Variants in RANBP2 observed in about 807,000 individuals in gnomAD.
The protein encoded by RANBP2 is E3 SUMO-protein ligase RanBP2.
Under a neutral mutation model 303.6 loss-of-function variants are expected in RANBP2, and 57 were observed. The observed-to-expected ratio is 0.19, with a 90% confidence interval of 0.15 to 0.23. The LOEUF (loss-of-function observed/expected upper bound fraction) is 0.23. Among genes scored for constraint, RANBP2 ranks in the 10% least tolerant of loss-of-function variants. The pLI is 1.00. For missense variants in RANBP2, 3,138 were observed against 3,780.8 expected, an observed-to-expected ratio of 0.83 and a Z score of 4.46; for synonymous variants, 1,167 against 1,301.5, an observed-to-expected ratio of 0.90 and a Z score of 2.23.
the RANBP2 span, among the ~76,000 whole-genome samples, chr2:109,480,569 A>G: frequency 6.6e-6 from 1 of 152,186 alleles, no homozygotes; most frequent in African/African-American, 2.4e-5. Flanking sequence ...TCACTCAGGA[A>G]GTCTCGCAGG....
chr2:108,831,178 C>CA, the RANBP2 span, among the ~76,000 whole-genome samples: 13 of 149,408 alleles, frequency 8.7e-5, no homozygotes, highest in Non-Finnish European at 1.3e-4. Flanking sequence ...GACTCTGTCT[C>CA]AAAAAAAAAG....
At chr2:109,383,633 C>T in the RANBP2 span, among the ~76,000 whole-genome samples, 6 of 152,158 alleles carry the variant, frequency 3.9e-5, no homozygotes, top group Non-Finnish European at 8.8e-5. Flanking sequence ...TCTGTAACCA[C>T]CTGAATTCCA....
At chr2:109,433,930 G>A in the RANBP2 span, among the ~76,000 whole-genome samples, 11 of 152,230 alleles carry the variant, frequency 7.2e-5, no homozygotes, top group African/African-American at 2.4e-4. Context: ...CTACTTAGAG[G>A]GTGAGCTGCC....
At chr2:109,152,500 G>C in the RANBP2 span, among the ~76,000 whole-genome samples, 51 of 152,368 alleles carry the variant, frequency 3.3e-4, no homozygotes, top group African/African-American at 1.2e-3. Context: ...ACAGCATTCA[G>C]AGCGAAAGCT....
chr2:108,981,134 G>A, the RANBP2 span, among the ~76,000 whole-genome samples: 9 of 152,174 alleles, frequency 5.9e-5, no homozygotes, highest in Non-Finnish European at 1.5e-5. Context: ...TTCCCATGAG[G>A]CAAGTATGTG....
chr2:108,935,934 C>T, the RANBP2 span, among the ~76,000 whole-genome samples: 2 of 152,200 alleles, frequency 1.3e-5, no homozygotes, highest in Non-Finnish European at 2.9e-5. Flanking sequence ...TGGCCTTCAC[C>T]CTTGGTGGTG....
At chr2:109,138,901 C>A in the RANBP2 span, among the ~76,000 whole-genome samples, 2 of 152,176 alleles carry the variant, frequency 1.3e-5, no homozygotes, top group African/African-American at 4.8e-5. Context: ...CAGAAGTGAT[C>A]CAGGCCTTTC....
At chr2:108,730,931 G>A (rs1396334714) in intron 3 of RANBP2, 46 bp downstream of exon 3, 1 of 1,600,616 alleles carries the variant, frequency 6.2e-7, no homozygotes, top group Non-Finnish European at 8.5e-7. Flanking sequence ...CCAAACACAT[G>A]ATGCCCAGAG....
At chr2:109,503,510 C>T in the RANBP2 span, 1 of 152,174 alleles carries the variant, frequency 6.6e-6, no homozygotes, top group Non-Finnish European at 1.5e-5. Flanking sequence ...AAGAAAAAGT[C>T]TGGCTTAAAC....
At chr2:109,654,424 C>T in the RANBP2 span, among the ~76,000 whole-genome samples, 1 of 151,740 alleles carries the variant, frequency 6.6e-6, no homozygotes, top group South Asian at 2.1e-4. Context: ...AGTTTAAGGC[C>T]CTGAGCTTAG....
At chr2:108,969,561 TG>T in the RANBP2 span, among the ~76,000 whole-genome samples, 1 of 152,312 alleles carries the variant, frequency 6.6e-6, no homozygotes, top group South Asian at 2.1e-4. Flanking sequence ...GGCTGTAAAA[TG>T]GGGGTCATTC....
At chr2:109,485,194 C>T in the RANBP2 span, among the ~76,000 whole-genome samples, 138 of 152,244 alleles carry the variant, frequency 9.1e-4, no homozygotes, top group African/African-American at 3.3e-3. Flanking sequence ...TTAAATATTG[C>T]CTGAGGCAAA....
the RANBP2 span, among the ~76,000 whole-genome samples, chr2:108,887,168 C>G: frequency 6.7e-6 from 1 of 150,328 alleles, no homozygotes; most frequent in Non-Finnish European, 1.5e-5. Context: ...TTCTTTTTGG[C>G]TTTGTCAAAG....
At chr2:109,410,681 T>A in the RANBP2 span, among the ~76,000 whole-genome samples, 29 of 152,236 alleles carry the variant, frequency 1.9e-4, no homozygotes, top group Non-Finnish European at 3.8e-4. Context: ...TCGGAACATG[T>A]GTGTCCACTT....
At chr2:109,343,616 C>T in the RANBP2 span, among the ~76,000 whole-genome samples, 3 of 151,606 alleles carry the variant, frequency 2.0e-5, no homozygotes, top group Admixed American at 2.0e-4. Flanking sequence ...GAGAATCATG[C>T]TCTCAGTACC....
chr2:109,616,041 A>G, the RANBP2 span: 3 of 1,514,850 alleles, frequency 2.0e-6, no homozygotes, highest in Admixed American at 2.3e-5. Flanking sequence ...CTTCACATTG[A>G]GACCAAAGTC....
At chr2:109,695,398 C>T in the RANBP2 span, among the ~76,000 whole-genome samples, 4 of 152,332 alleles carry the variant, frequency 2.6e-5, no homozygotes, top group South Asian at 8.3e-4. Context: ...TCTGGATCCT[C>T]TGCAATCTCC....
the RANBP2 span, among the ~76,000 whole-genome samples, chr2:109,554,740 T>C: frequency 7.5e-4 from 115 of 152,334 alleles, no homozygotes; most frequent in Non-Finnish European, 1.3e-3. Context: ...GTACATCTCA[T>C]GTTCAGCCTC....
At chr2:109,359,209 G>A in the RANBP2 span, among the ~76,000 whole-genome samples, 19,775 of 152,128 alleles carry the variant, frequency 0.13, 1,431 homozygotes, top group Middle Eastern at 0.24. Flanking sequence ...AAGTCATGTA[G>A]TGTTGGCCCT....
Sources: gnomAD v4.1 joint callset for allele counts (sites outside exome capture counted in the v4.1 genomes callset) on GRCh38, gnomAD v4.1.1 for gene constraint, MANE v1.5 for transcripts, NCBI Gene and HGNC (gene_info 2026-07-23, HGNC 2026-07-21) for gene names.